Variants in SLC25A21 observed in about 807,000 individuals in gnomAD.
The protein encoded by SLC25A21 is solute carrier family 25 member 21, also known as mitochondrial 2-oxodicarboxylate carrier.
In SLC25A21, 47 loss-of-function variants were observed where a neutral mutation model predicts 43.8. The observed-to-expected ratio is 1.07, with a 90% CI of 0.85 to 1.37. The LOEUF (loss-of-function observed/expected upper bound fraction) is 1.37, where lower values mean the gene tolerates loss of function less well. Among genes scored for constraint, SLC25A21 ranks in the 40% most tolerant of loss-of-function variants. The pLI, the probability that SLC25A21 is intolerant of heterozygous loss-of-function variation, is 0.00. For synonymous variants in SLC25A21, 131 were observed against 121.3 expected (o/e 1.08, Z -0.52); for missense variants, 352 against 350.2 (o/e 1.00, Z -0.04).
At chr14:37,088,044 T>C (rs1962517975) in intron 1 of SLC25A21, among the ~76,000 whole-genome samples, 1 of 152,228 alleles carries the variant, frequency 6.6e-6, no homozygotes, top group African/African-American at 2.4e-5. Flanking sequence ...ACTTGTAACT[T>C]GAAATGTGTC....
chr14:36,951,204 T>A (rs1434345868), intron 1 of SLC25A21, among the ~76,000 whole-genome samples: 2 of 145,640 alleles, frequency 1.4e-5, no homozygotes, highest in African/African-American at 2.6e-5. Context: ...AGCAATAGTT[T>A]AACAATAGTT....
intron 1 of SLC25A21, among the ~76,000 whole-genome samples, chr14:36,974,484 C>G (rs558457188): frequency 6.6e-6 from 1 of 152,252 alleles, no homozygotes; most frequent in East Asian, 1.9e-4. Flanking sequence ...TAGGTGGCTA[C>G]CAAATATTCT....
intron 1 of SLC25A21, among the ~76,000 whole-genome samples, chr14:36,895,487 A>AG (rs2138589205): frequency 6.6e-6 from 1 of 152,208 alleles, no homozygotes; most frequent in Admixed American, 6.5e-5. Flanking sequence ...TTTTCAAAAA[A>AG]CCAGCTCTGG....
intron 4 of SLC25A21, 53 bp from the exon 5 acceptor site, chr14:36,729,619 T>C (rs1222010527): frequency 2.1e-6 from 3 of 1,450,408 alleles, no homozygotes; most frequent in Non-Finnish European, 2.8e-6. Context: ...TGCAACAAAC[T>C]CTTTAATTGA....
At chr14:36,702,387 C>A (rs1250289577) in intron 7 of SLC25A21, among the ~76,000 whole-genome samples, 1 of 147,882 alleles carries the variant, frequency 6.8e-6, no homozygotes, top group Non-Finnish European at 1.5e-5. Context: ...CCCTGTAATC[C>A]CAGCACTTTG....
intron 3 of SLC25A21, among the ~76,000 whole-genome samples, chr14:36,754,216 CT>C (rs1594555207): frequency 6.6e-6 from 1 of 152,070 alleles, no homozygotes; most frequent in East Asian, 1.9e-4. Flanking sequence ...GTGGGTGGGT[CT>C]CATCCAATCA....
intron 7 of SLC25A21, among the ~76,000 whole-genome samples, chr14:36,697,638 T>G (rs1883087195): frequency 6.6e-6 from 1 of 152,150 alleles, no homozygotes; most frequent in Non-Finnish European, 1.5e-5. Context: ...CTCTTCTTGT[T>G]GAATTGATCC....
At chr14:36,939,201 G>A (rs1024299892) in intron 1 of SLC25A21, among the ~76,000 whole-genome samples, 15 of 151,760 alleles carry the variant, frequency 9.9e-5, no homozygotes, top group South Asian at 6.2e-4. Flanking sequence ...ATTTGTGGTC[G>A]GACTCATCCA....
At chr14:37,119,360 C>A (rs1171701583) in intron 1 of SLC25A21, among the ~76,000 whole-genome samples, 2 of 152,056 alleles carry the variant, frequency 1.3e-5, no homozygotes, top group African/African-American at 4.8e-5. Context: ...ACCAGCCTGG[C>A]CAACATGGTG....
intron 1 of SLC25A21, among the ~76,000 whole-genome samples, chr14:36,984,751 C>T (rs1256671402): frequency 1.3e-5 from 2 of 151,960 alleles, no homozygotes; most frequent in African/African-American, 4.8e-5. Context: ...ACTATATATG[C>T]CCTTCACCCA....
intron 2 of SLC25A21, among the ~76,000 whole-genome samples, chr14:36,820,941 C>T (rs1404931567): frequency 6.6e-6 from 1 of 152,180 alleles, no homozygotes; most frequent in Admixed American, 6.5e-5. Flanking sequence ...TTTGCAATTA[C>T]AGAACACATT....
intron 1 of SLC25A21, among the ~76,000 whole-genome samples, chr14:36,978,997 A>T (rs1446993280): frequency 3.3e-5 from 5 of 152,160 alleles, no homozygotes; most frequent in African/African-American, 1.2e-4. Flanking sequence ...CTGAGGTGGG[A>T]GGATCACCTG....
intron 1 of SLC25A21, among the ~76,000 whole-genome samples, chr14:36,924,539 G>T (rs554051674): frequency 5.3e-5 from 8 of 151,946 alleles, no homozygotes; most frequent in East Asian, 3.9e-4. Flanking sequence ...GGTGGGGAGA[G>T]GGGGGAGGGA....
intron 3 of SLC25A21, among the ~76,000 whole-genome samples, chr14:36,791,253 C>G (rs1887475132): frequency 6.6e-6 from 1 of 152,148 alleles, no homozygotes; most frequent in Non-Finnish European, 1.5e-5. Context: ...GCATATATTA[C>G]TTTAACTTAA....
At chr14:37,009,877 C>T (rs1017075832) in intron 1 of SLC25A21, among the ~76,000 whole-genome samples, 1 of 152,122 alleles carries the variant, frequency 6.6e-6, no homozygotes, top group Non-Finnish European at 1.5e-5. Flanking sequence ...GCTCAGGACA[C>T]ATTGCTTTGC....
intron 1 of SLC25A21, among the ~76,000 whole-genome samples, chr14:36,951,737 C>G (rs182064960): frequency 1.6e-3 from 247 of 152,256 alleles, no homozygotes; most frequent in Non-Finnish European, 3.1e-3. Flanking sequence ...ACAAACAACA[C>G]AGAATCAATT....
intron 2 of SLC25A21, among the ~76,000 whole-genome samples, chr14:36,817,068 C>T (rs1039639722): frequency 6.6e-6 from 1 of 151,992 alleles, no homozygotes; most frequent in African/African-American, 2.4e-5. Context: ...TAATTAAGTT[C>T]ATTTATCTCA....
intron 1 of SLC25A21, among the ~76,000 whole-genome samples, chr14:37,035,865 C>T (rs1264929141): frequency 6.6e-6 from 1 of 152,134 alleles, no homozygotes. Flanking sequence ...TTATGTACAG[C>T]AATAAATGAT....
chr14:37,066,365 A>G (rs573417857), intron 1 of SLC25A21, among the ~76,000 whole-genome samples: 1 of 152,064 alleles, frequency 6.6e-6, no homozygotes, highest in South Asian at 2.1e-4. Flanking sequence ...CTTCAAAGAC[A>G]TGACAACTAA....
Sources: allele counts gnomAD v4.1 joint callset (sites outside exome capture counted in the v4.1 genomes callset), GRCh38; gene constraint gnomAD v4.1.1; transcripts MANE v1.5; gene names NCBI Gene and HGNC (gene_info 2026-07-23, HGNC 2026-07-21).